Variants in DOCK5 observed in about 807,000 individuals in gnomAD.
DOCK5 encodes dedicator of cytokinesis 5.
DOCK5 carries 142 observed loss-of-function variants against 251.8 expected under a neutral mutation model. The ratio of observed to expected loss-of-function variants is 0.56; its 90% CI spans 0.49 to 0.65. The LOEUF (loss-of-function observed/expected upper bound fraction) is 0.65, where lower values mean the gene tolerates loss of function less well. DOCK5 is among the 30% of genes least tolerant of loss of function. The probability of loss-of-function intolerance (pLI) is 0.00; values close to 1 mark genes in which losing one functional copy is unlikely to be tolerated. For missense variants in DOCK5, 2,111 were observed against 2,312.3 expected, an observed-to-expected ratio of 0.91 and a Z score of 1.79; for synonymous variants, 842 against 835.5, an observed-to-expected ratio of 1.01 and a Z score of -0.13.
chr8:25,286,591 C>A (rs1251333593), intron 5 of DOCK5, among the ~76,000 whole-genome samples: 1 of 152,034 alleles, frequency 6.6e-6, no homozygotes, highest in Non-Finnish European at 1.5e-5. Context: ...AATATTGATT[C>A]TTTTATACAT....
At chr8:25,403,455 T>C (rs567107891) in intron 47 of DOCK5, 103 bp from the exon 48 acceptor site, 1 of 1,273,302 alleles carries the variant, frequency 7.9e-7, no homozygotes, top group South Asian at 1.4e-5. Context: ...ACATAACCAG[T>C]ACAGATGGGT....
intron 1 of DOCK5, among the ~76,000 whole-genome samples, chr8:25,206,098 A>T (rs1285332743): frequency 1.5e-4 from 23 of 152,160 alleles, no homozygotes; most frequent in African/African-American, 5.5e-4. Flanking sequence ...TCAGGGAAGT[A>T]GTTGAACTTT....
rs376850970 is a variant in DOCK5, at chr8:25,311,876, C to T, written c.1318+1344C>T. Among the ~76,000 whole-genome samples the T allele has an allele frequency of 9.9e-5, 15 of 151,354 alleles. 1 individual carries two copies. In the South Asian group the frequency reaches 1.5e-3, roughly 15 times the overall value. ...GGCAGAGGTTTCAGTGAGCTATGAT[C>T]GCACCACTGCAACCCAGCCTGGGCA... On this transcript the variant is annotated intron_variant, in intron 13 of 51. Transcript: ENST00000276440.
intron 15 of DOCK5, 118 bp from the exon 16 acceptor site, chr8:25,320,862 C>G (rs1805405392): frequency 9.9e-6 from 8 of 811,216 alleles, no homozygotes; most frequent in Non-Finnish European, 1.6e-5. Context: ...TATACCAAAT[C>G]TCACTCTCTA....
At chr8:25,382,914 C>G in intron 40 of DOCK5, 136 bp downstream of exon 40, 1 of 681,414 alleles carries the variant, frequency 1.5e-6, no homozygotes, top group South Asian at 1.9e-5. Flanking sequence ...GAAACCACTT[C>G]CTGAGCAGCC....
chr8:25,316,906 C>T, intron 13 of DOCK5, 101 bp from the exon 14 acceptor site: 1 of 1,446,828 alleles, frequency 6.9e-7, no homozygotes. Context: ...AGTATAAAAC[C>T]AGACCATTTC....
intron 48 of DOCK5, among the ~76,000 whole-genome samples, chr8:25,403,959 T>G (rs1801481991): frequency 6.6e-6 from 1 of 152,188 alleles, no homozygotes; most frequent in Admixed American, 6.5e-5. Context: ...ATTACCTATT[T>G]TTTTCATCAT....
intron 10 of DOCK5, 147 bp from the exon 11 acceptor site, chr8:25,304,108 A>C (rs1586311821): frequency 1.6e-6 from 1 of 620,866 alleles, no homozygotes. Context: ...ACTGGGAATC[A>C]CCATTGGCAA....
chr8:25,361,454 A>G (rs1170927868), intron 28 of DOCK5, among the ~76,000 whole-genome samples: 2 of 152,084 alleles, frequency 1.3e-5, no homozygotes, highest in African/African-American at 4.8e-5. Flanking sequence ...TACTAAAAAT[A>G]CAAAAAATAA....
chr8:25,200,081 A>G (rs1801844316), intron 1 of DOCK5, among the ~76,000 whole-genome samples: 1 of 152,214 alleles, frequency 6.6e-6, no homozygotes, highest in South Asian at 2.1e-4. Context: ...GTCTTTTATA[A>G]AAGAATCCTA....
chr8:25,332,732 A>G (rs1389325019), intron 20 of DOCK5, 40 bp downstream of exon 20: 4 of 1,475,546 alleles, frequency 2.7e-6, no homozygotes, highest in Non-Finnish European at 3.7e-6. Flanking sequence ...TATTGTTGCA[A>G]CTTTGTAGTT....
At chr8:25,277,643 G>A (rs973463464) in intron 4 of DOCK5, among the ~76,000 whole-genome samples, 5 of 152,278 alleles carry the variant, frequency 3.3e-5, no homozygotes, top group South Asian at 4.1e-4. Context: ...CCGGTGGGCC[G>A]TGGGCTGCCT....
At chr8:25,327,667 T>G (rs574143893) in intron 18 of DOCK5, among the ~76,000 whole-genome samples, 1 of 152,326 alleles carries the variant, frequency 6.6e-6, no homozygotes, top group African/African-American at 2.4e-5. Flanking sequence ...TTAACTAGCC[T>G]GTACTGTCCC....
intron 41 of DOCK5, 47 bp downstream of exon 41, chr8:25,389,279 C>T (rs1801217246): frequency 6.3e-7 from 1 of 1,594,444 alleles, no homozygotes; most frequent in Non-Finnish European, 8.6e-7. Flanking sequence ...TATGGCTGTG[C>T]ACAGCCCCAG....
chr8:25,386,423 C>T (rs774116462), intron 40 of DOCK5, among the ~76,000 whole-genome samples: 1 of 151,884 alleles, frequency 6.6e-6, no homozygotes, highest in Non-Finnish European at 1.5e-5. Context: ...AGCATGACCC[C>T]GTCTCTATAA....
intron 1 of DOCK5, among the ~76,000 whole-genome samples, chr8:25,223,334 A>G (rs1269324327): frequency 6.6e-6 from 1 of 152,138 alleles, no homozygotes; most frequent in Non-Finnish European, 1.5e-5. Context: ...ATTTATTAAT[A>G]GACAGGTTTT....
Position 25,299,047 on chromosome 8 carries a change from A to G in DOCK5, c.710A>G (p.Glu237Gly). Residue 237 changes from glutamate (E) to glycine (G), a missense_variant, in exon 8 of 52, where the codon GAA becomes GGA. Coordinates refer to ENST00000276440, the MANE Select transcript of DOCK5 (RefSeq NM_024940.8). ...AAGAACTTTGTCTGCAACATCGGGG[A>G]AGATGCAGAGTTGTTTATGGCCCTC... ...NFKNFVCNIG[E>G]DAELFMALYD... 1 of 1,613,824 alleles carries G rather than the reference A, an allele frequency of 6.2e-7. No homozygotes were observed. The highest frequency in any genetic ancestry group is 8.5e-7 in the Non-Finnish European group (1 of 1,179,862).
chr8:25,374,729 G>A, intron 37 of DOCK5, 75 bp downstream of exon 37: 2 of 1,611,432 alleles, frequency 1.2e-6, no homozygotes, highest in Non-Finnish European at 1.7e-6. Context: ...TACATTTCAT[G>A]ATTTTGATGG....
intron 51 of DOCK5, among the ~76,000 whole-genome samples, chr8:25,410,423 C>T (rs551918204): frequency 6.6e-6 from 1 of 151,960 alleles, no homozygotes; most frequent in South Asian, 2.1e-4. Flanking sequence ...CTCTGTACCT[C>T]GTCCTGGGTA....
Sources: gnomAD v4.1 joint callset for allele counts (sites outside exome capture counted in the v4.1 genomes callset) on GRCh38, gnomAD v4.1.1 for gene constraint, MANE v1.5 for transcripts, NCBI Gene and HGNC (gene_info 2026-07-23, HGNC 2026-07-21) for gene names.